Variants in ITGA7 observed in about 807,000 individuals in gnomAD.
ITGA7 encodes integrin alpha-7.
In ITGA7, 84 loss-of-function variants were observed where a neutral mutation model predicts 131.6. That is an observed-to-expected ratio of 0.64 (90% CI 0.54 to 0.77). ITGA7 has a LOEUF of 0.77. ITGA7 is among the 30% of genes least tolerant of loss of function. The pLI is 0.00. For missense variants in ITGA7, 1,399 were observed against 1,482.9 expected, an observed-to-expected ratio of 0.94 and a Z score of 0.93; for synonymous variants, 548 against 600.7, an observed-to-expected ratio of 0.91 and a Z score of 1.28.
At chr12:55,686,707 C>T (rs1870226845) in intron 24 of ITGA7, among the ~76,000 whole-genome samples, 1 of 152,210 alleles carries the variant, frequency 6.6e-6, no homozygotes, top group Non-Finnish European at 1.5e-5. Flanking sequence ...CATGTGCATA[C>T]TTTTACATTG....
upstream of ITGA7, chr12:55,715,870 A>C (rs915168995): frequency 5.4e-6 from 4 of 734,272 alleles, no homozygotes; most frequent in African/African-American, 5.5e-5. Flanking sequence ...AAATGTTAAA[A>C]ACTGGCTTGG....
At chr12:55,713,325 T>G (rs1876271808), upstream of ITGA7, among the ~76,000 whole-genome samples, 1 of 152,176 alleles carries the variant, frequency 6.6e-6, no homozygotes, top group Admixed American at 6.5e-5. Context: ...GCCAGGATTC[T>G]CTACAGCTCA....
At chr12:55,692,231 A>T (rs1871577974) in intron 21 of ITGA7, among the ~76,000 whole-genome samples, 1 of 152,176 alleles carries the variant, frequency 6.6e-6, no homozygotes, top group Non-Finnish European at 1.5e-5. Flanking sequence ...AGCCTGGCCA[A>T]CATGGTGAAA....
At position 55,692,592 on chromosome 12, in the gene ITGA7, A is replaced by T. The variant is rs17117887; in HGVS notation, c.2844+252T>A. ...AAAATGTAATGCTTTATATAAACGT[A>T]ATGTGAATCAATTGCTTGGCTAACT... On this transcript the variant is annotated intron_variant, in intron 21 of 24. Transcript: ENST00000257879. Among the ~76,000 whole-genome samples, 66 of 152,312 alleles carry T rather than the reference A, an allele frequency of 4.3e-4. No homozygotes were observed. In the East Asian group the frequency reaches 0.012, roughly 28 times the overall value.
rs202087406 is a variant in ITGA7 at position 55,686,275 on chromosome 12, G to GA, written c.3184-988dup. On this transcript the variant is annotated intron_variant, in intron 24 of 24. Coordinates refer to ENST00000257879, the MANE Select transcript of ITGA7 (RefSeq NM_002206.3). The stretch of plus-strand genomic sequence containing the variant: ...AGACAGGCCCGGTGATAGTTGGTGG[G>GA]AAAAGATGAGCTCTGGCTGCTCCGA... The GA allele has an allele frequency of 4.2e-3, 5,598 of 1,346,966 alleles. 89 individuals are homozygous for GA. The African/African-American group carries it at 0.048, about 12-fold the overall frequency. 83.4% of individuals were successfully genotyped at this position (1,346,966 alleles called of 1,614,324 possible).
Position 55,694,722 on chromosome 12 carries a change from G to C in ITGA7, c.2197-27C>G. ...TGGAATGGGAGAGAAGGCAAGGTCA[G>C]TCTGGGTTACTGGAGCCCCTCAAGA... On this transcript the variant is annotated intron_variant, in intron 15 of 24. Transcript: ENST00000257879. This position sits in a 1 kb window ranked among gnomAD's most constrained non-coding sequence, Gnocchi z 5.3. The C allele has an allele frequency of 6.2e-7, 1 of 1,614,018 alleles. No homozygotes were observed. The highest frequency in any genetic ancestry group is 2.2e-5 in the East Asian group (1 of 44,878).
At position 55,684,974 on chromosome 12, in the gene ITGA7, G is replaced by A; in HGVS notation, c.*84C>T. ...GCCAAATCTTGATGCGACACCAGCA[G>A]CCCACTCTACCCTCTTCATCCCAAG... On this transcript the variant is annotated 3_prime_UTR_variant, in exon 25 of 25. Transcript: ENST00000257879. 2 of 1,158,886 alleles carry A rather than the reference G, an allele frequency of 1.7e-6. No individual in the cohort carries two copies. The highest frequency in any genetic ancestry group is 2.6e-5 in the Admixed American group (1 of 38,664). The allele number at this position is 1,158,886 out of a possible 1,614,324, so 71.8% of individuals were successfully genotyped here. A position where few individuals can be genotyped will look rare whatever the true frequency, so the allele number is the denominator to read the frequency against.
At chr12:55,698,351 C>T (rs979894170) in intron 7 of ITGA7, 32 bp downstream of exon 7, 1 of 1,572,120 alleles carries the variant, frequency 6.4e-7, no homozygotes. Context: ...GTGGCCCCTC[C>T]CTCCCTGAGC....
chr12:55,715,808 A>G (rs1386986602), upstream of ITGA7: 1 of 449,088 alleles, frequency 2.2e-6, no homozygotes, highest in African/African-American at 2.1e-5. Context: ...CCTCAATTAA[A>G]CGGTGATAGA....
chr12:55,698,034 G>A lies in ITGA7; in HGVS notation c.1193-8C>T. 1 of 1,613,826 alleles carries A rather than the reference G, an allele frequency of 6.2e-7. No homozygotes were observed. Among genetic ancestry groups the A allele is most frequent in the Non-Finnish European group, 8.5e-7 (1 of 1,179,774 alleles). On this transcript the variant is annotated splice_region_variant and splice_polypyrimidine_tract_variant and intron_variant, in intron 7 of 24. Coordinates refer to ENST00000257879, the MANE Select transcript of ITGA7 (RefSeq NM_002206.3). ...GGGCACCCACTGCAATATCTGCAGGGCACAGGGAAAAGGCAGTCACGCTGG... is the reference window on the plus strand; with the variant it reads ...GGGCACCCACTGCAATATCTGCAGGACACAGGGAAAAGGCAGTCACGCTGG...
At chr12:55,714,658 C>A (rs2136127016), upstream of ITGA7, among the ~76,000 whole-genome samples, 1 of 151,092 alleles carries the variant, frequency 6.6e-6, no homozygotes, top group African/African-American at 2.4e-5. Flanking sequence ...TGCACTCCAG[C>A]CTAGGCGACA....
At chr12:55,708,204 G>T (rs1393901545), upstream of ITGA7, among the ~76,000 whole-genome samples, 2 of 152,200 alleles carry the variant, frequency 1.3e-5, no homozygotes, top group African/African-American at 4.8e-5. Context: ...AGAAAGAGAG[G>T]GGCTGAAACA....
intron 14 of ITGA7, 32 bp downstream of exon 14, chr12:55,695,490 C>A: frequency 2.3e-5 from 23 of 1,006,342 alleles, no homozygotes; most frequent in Non-Finnish European, 2.9e-5. Flanking sequence ...CTCTTGCCCT[C>A]CCACCCCCAC....
At chr12:55,712,053 C>G (rs745975190), upstream of ITGA7, 17 of 1,550,168 alleles carry the variant, frequency 1.1e-5, no homozygotes, top group South Asian at 1.9e-4. Flanking sequence ...AACTTTTTTA[C>G]TTCACTCACC....
chr12:55,708,028 A>G (rs12305504), upstream of ITGA7: 589,759 of 1,159,094 alleles, frequency 0.51, 154,260 homozygotes, highest in East Asian at 0.94. Context: ...GGTGGCTGGG[A>G]TGGAAACTAG....
chr12:55,707,465 G>A lies in ITGA7; in HGVS notation c.206+12C>T, dbSNP rs1430390082. The A allele has an allele frequency of 4.4e-6, 7 of 1,606,894 alleles. No individual in the cohort carries two copies. The highest frequency in any genetic ancestry group is 6.0e-6 in the Non-Finnish European group (7 of 1,174,296). On this transcript the variant is annotated intron_variant, in intron 1 of 24. Transcript: ENST00000257879. ...TCGGGCATGGCGACTCTGGGCGGGT[G>A]CGGTGACTCACCAGCTCTGGGGTCG...
At chr12:55,710,342 C>A (rs148441725), upstream of ITGA7, among the ~76,000 whole-genome samples, 37 of 147,338 alleles carry the variant, frequency 2.5e-4, no homozygotes, top group African/African-American at 9.0e-4. Context: ...GCCTGGGTGA[C>A]AGAGACTCCA....
intron 21 of ITGA7, among the ~76,000 whole-genome samples, chr12:55,690,922 G>A (rs1871291840): frequency 6.6e-6 from 1 of 151,618 alleles, no homozygotes; most frequent in Non-Finnish European, 1.5e-5. Flanking sequence ...TGAACAATGA[G>A]AACACATGGA....
intron 24 of ITGA7, chr12:55,686,325 G>A (rs200544819): frequency 1.8e-5 from 24 of 1,316,248 alleles, no homozygotes; most frequent in East Asian, 4.9e-5. Context: ...CTAGGATGTC[G>A]AGGGAGAAGC....
Sources: gnomAD v4.1 joint callset for allele counts (sites outside exome capture counted in the v4.1 genomes callset) on GRCh38, gnomAD v4.1.1 for gene constraint, Gnocchi (gnomAD v3.1) non-coding constraint, MANE v1.5 for transcripts, NCBI Gene and HGNC (gene_info 2026-07-23, HGNC 2026-07-21) for gene names.